The following CDH9 variants were observed in gnomAD, a reference collection of about 807,000 sequenced individuals.
CDH9 encodes cadherin 9.
CDH9 carries 28 observed loss-of-function variants against 70.9 expected under a neutral mutation model. That is an observed-to-expected ratio of 0.40 (90% CI 0.29 to 0.54). The LOEUF is 0.54. Among genes scored for constraint, CDH9 ranks in the 20% least tolerant of loss-of-function variants. The pLI, the probability that CDH9 is intolerant of heterozygous loss-of-function variation, is 0.59. For missense variants in CDH9, 874 were observed against 984.4 expected (o/e 0.89, Z 1.50); for synonymous variants, 409 against 343.1 (o/e 1.19, Z -2.12).
At position 27,017,171 on chromosome 5, in the gene CDH9, T is replaced by A. The variant is rs74682888; in HGVS notation, c.-50+21292A>T. 9.6e-3 allele frequency among the ~76,000 whole-genome samples: 1,460 copies of A among 152,014 alleles called. 25 individuals carry two copies. Among genetic ancestry groups the A allele is most frequent in the African/African-American group, 0.033 (1,389 of 41,504 alleles). ...TTATTTCATTCTTGTATTACCTTAATCATAAGAGACACACATACTCTTCAG... is the reference window on the plus strand; with the variant it reads ...TTATTTCATTCTTGTATTACCTTAAACATAAGAGACACACATACTCTTCAG... On this transcript the variant is annotated intron_variant, in intron 1 of 11. Coordinates refer to ENST00000231021, the MANE Select transcript of CDH9 (RefSeq NM_016279.4).
intron 2 of CDH9, among the ~76,000 whole-genome samples, chr5:26,952,473 A>AC (rs1404473726): frequency 6.7e-5 from 9 of 134,876 alleles, no homozygotes; most frequent in Non-Finnish European, 1.3e-4. Flanking sequence ...AAAAAAAAAA[A>AC]AAAAAAAAAA....
At chr5:27,020,192 C>A in intron 1 of CDH9, among the ~76,000 whole-genome samples, 1 of 151,388 alleles carries the variant, frequency 6.6e-6, no homozygotes, top group East Asian at 1.9e-4. Flanking sequence ...CAAATAATGC[C>A]ATGTCAATTA....
chr5:26,997,355 GC>G (rs1742684145), intron 1 of CDH9, among the ~76,000 whole-genome samples: 1 of 151,886 alleles, frequency 6.6e-6, no homozygotes, highest in Admixed American at 6.6e-5. Context: ...TATTGGATTG[GC>G]CCCTTGAATG....
intron 2 of CDH9, among the ~76,000 whole-genome samples, chr5:26,976,835 C>T (rs1362940960): frequency 1.3e-5 from 2 of 151,836 alleles, no homozygotes; most frequent in Non-Finnish European, 2.9e-5. Flanking sequence ...TAATTTATAT[C>T]TTCTCTTATG....
At chr5:26,967,983 G>C (rs1054969348) in intron 2 of CDH9, among the ~76,000 whole-genome samples, 8 of 151,920 alleles carry the variant, frequency 5.3e-5, no homozygotes, top group South Asian at 2.1e-4. Flanking sequence ...AAAATGCTGT[G>C]ATTACAAACA....
chr5:26,881,107 A>G lies in CDH9; in HGVS notation c.*29T>C. 1 of 1,558,970 alleles carries G rather than the reference A, an allele frequency of 6.4e-7. No homozygotes were observed. Among genetic ancestry groups the G allele is most frequent in the Non-Finnish European group, 8.7e-7 (1 of 1,151,572 alleles). On this transcript the variant is annotated 3_prime_UTR_variant, in exon 12 of 12. Coordinates refer to ENST00000231021, the MANE Select transcript of CDH9 (RefSeq NM_016279.4). ...ATCTAATAACATAGACAGTACTTCC[A>G]CTAATATTGATTAAGTCAAACAATC...
At chr5:26,949,113 A>G (rs1185501369) in intron 2 of CDH9, among the ~76,000 whole-genome samples, 2 of 152,168 alleles carry the variant, frequency 1.3e-5, no homozygotes, top group Non-Finnish European at 2.9e-5. Flanking sequence ...TAGGATTAGC[A>G]ATTTACCAGT....
intron 1 of CDH9, among the ~76,000 whole-genome samples, chr5:27,037,919 G>A (rs1382841327): frequency 2.0e-5 from 3 of 151,820 alleles, no homozygotes. Flanking sequence ...CATCCAATAT[G>A]CATCTGTGGC....
intron 2 of CDH9, among the ~76,000 whole-genome samples, chr5:26,978,175 T>G (rs1157280865): frequency 1.8e-5 from 2 of 113,790 alleles, no homozygotes; most frequent in African/African-American, 6.8e-5. Context: ...TTCTAACACA[T>G]AATAAAAAAA....
intron 11 of CDH9, among the ~76,000 whole-genome samples, chr5:26,883,040 CTT>C (rs1561181082): frequency 0.03 from 840 of 28,318 alleles, 68 homozygotes; most frequent in African/African-American, 0.11. Flanking sequence ...TCAGGATCAT[CTT>C]ATATATATAT....
chr5:26,880,858 G>T lies in CDH9; in HGVS notation c.*278C>A, dbSNP rs1343602216. 1 of 247,266 alleles carries T rather than the reference G, an allele frequency of 4.0e-6. No homozygotes were observed. The allele number at this position is 247,266 out of a possible 1,614,324, so 15.3% of individuals were successfully genotyped here. On this transcript the variant is annotated 3_prime_UTR_variant, in exon 12 of 12. Coordinates refer to ENST00000231021, the MANE Select transcript of CDH9 (RefSeq NM_016279.4). ...TTATACCTAAGAAAAGGCACAAAAA[G>T]CCTTTTACTTATTTTTATTGATTAT...
chr5:26,945,665 A>G (rs186490230), intron 2 of CDH9, among the ~76,000 whole-genome samples: 2 of 152,334 alleles, frequency 1.3e-5, no homozygotes, highest in Admixed American at 1.3e-4. Context: ...ATATGGTCAT[A>G]TCACATTTTC....
intron 1 of CDH9, among the ~76,000 whole-genome samples, chr5:27,012,316 G>A (rs1222783975): frequency 5.9e-5 from 9 of 151,510 alleles, no homozygotes; most frequent in African/African-American, 2.2e-4. Context: ...ATCTACCATT[G>A]GCTGAATCTG....
At chr5:26,997,053 T>C (rs1171979433) in intron 1 of CDH9, among the ~76,000 whole-genome samples, 1 of 152,020 alleles carries the variant, frequency 6.6e-6, no homozygotes, top group East Asian at 1.9e-4. Flanking sequence ...TTGAATGACC[T>C]TTTGCTAATG....
At chr5:26,900,131 CTT>C (rs1282591135) in intron 7 of CDH9, among the ~76,000 whole-genome samples, 2 of 152,002 alleles carry the variant, frequency 1.3e-5, no homozygotes, top group East Asian at 3.9e-4. Context: ...AAAAACAAAA[CTT>C]AGCTCATTAA....
At chr5:26,993,256 A>G (rs913170866) in intron 1 of CDH9, among the ~76,000 whole-genome samples, 1 of 152,194 alleles carries the variant, frequency 6.6e-6, no homozygotes, top group African/African-American at 2.4e-5. Flanking sequence ...AAAGTAGAAA[A>G]GACCTTGGCT....
intron 2 of CDH9, among the ~76,000 whole-genome samples, chr5:26,928,900 C>T (rs1375473665): frequency 6.6e-6 from 1 of 151,916 alleles, no homozygotes; most frequent in African/African-American, 2.4e-5. Flanking sequence ...TAAAAGAAAA[C>T]ATTTGATAAC....
chr5:27,025,117 G>C (rs930381027), intron 1 of CDH9, among the ~76,000 whole-genome samples: 1 of 151,914 alleles, frequency 6.6e-6, no homozygotes. Flanking sequence ...CAACATTTCA[G>C]CCAAAATGTG....
At chr5:27,006,454 A>G (rs1742867059) in intron 1 of CDH9, among the ~76,000 whole-genome samples, 1 of 152,090 alleles carries the variant, frequency 6.6e-6, no homozygotes, top group Non-Finnish European at 1.5e-5. Flanking sequence ...ATTCTCCTCT[A>G]TGCAGCACCA....
Sources: allele counts gnomAD v4.1 joint callset (sites outside exome capture counted in the v4.1 genomes callset), GRCh38; gene constraint gnomAD v4.1.1; transcripts MANE v1.5; gene names NCBI Gene and HGNC (gene_info 2026-07-23, HGNC 2026-07-21).